FRS2: variants seen among roughly 807,000 people sequenced by gnomAD.
The protein encoded by FRS2 is FGFR signalling adaptor.
Under a neutral mutation model 43.9 loss-of-function variants are expected in FRS2, and 8 were observed. That is an observed-to-expected ratio of 0.18 (90% confidence interval 0.11 to 0.33). FRS2 has a LOEUF of 0.33. FRS2 is among the 10% of genes least tolerant of loss of function. The probability of loss-of-function intolerance (pLI) is 1.00; values close to 1 mark genes in which losing one functional copy is unlikely to be tolerated. For missense variants in FRS2, 534 were observed against 627.6 expected (o/e 0.85, Z 1.59); for synonymous variants, 219 against 220.3 (o/e 0.99, Z 0.05).
chr12:69,523,615 T>C (rs573948952), intron 1 of FRS2, among the ~76,000 whole-genome samples: 1 of 152,300 alleles, frequency 6.6e-6, no homozygotes, highest in South Asian at 2.1e-4. Context: ...GATCCTGTCA[T>C]CATGATGTTA....
chr12:69,489,288 A>G (rs764717855), intron 1 of FRS2, among the ~76,000 whole-genome samples: 41 of 152,266 alleles, frequency 2.7e-4, no homozygotes, highest in East Asian at 3.9e-4. Context: ...GTTGTCCCAC[A>G]TCTTAGATAC....
chr12:69,498,942 T>C (rs905397719), intron 1 of FRS2, among the ~76,000 whole-genome samples: 5 of 152,198 alleles, frequency 3.3e-5, no homozygotes, highest in Admixed American at 2.6e-4. Context: ...ATAACAACTT[T>C]ATGAGGTATT....
intron 1 of FRS2, among the ~76,000 whole-genome samples, chr12:69,484,171 G>A (rs779461919): frequency 1.1e-4 from 16 of 151,162 alleles, no homozygotes; most frequent in Non-Finnish European, 1.2e-4. Flanking sequence ...TGCAACCTCC[G>A]CCTCCCGGGT....
chr12:69,495,068 G>A (rs1872760419), intron 1 of FRS2, among the ~76,000 whole-genome samples: 1 of 152,150 alleles, frequency 6.6e-6, no homozygotes, highest in African/African-American at 2.4e-5. Context: ...ACCTCGCCTG[G>A]CCGCTTCTAG....
chr12:69,567,496 G>A (rs1420669982), intron 4 of FRS2, among the ~76,000 whole-genome samples: 1 of 152,132 alleles, frequency 6.6e-6, no homozygotes, highest in African/African-American at 2.4e-5. Context: ...AAATGAGTAA[G>A]GTTCATCCTT....
At chr12:69,484,485 A>G (rs1398577884) in intron 1 of FRS2, among the ~76,000 whole-genome samples, 1 of 152,166 alleles carries the variant, frequency 6.6e-6, no homozygotes, top group African/African-American at 2.4e-5. Context: ...CTACAAAATG[A>G]TTGCCAGTTT....
chr12:69,562,870 G>A (rs1879984221), intron 4 of FRS2, among the ~76,000 whole-genome samples: 1 of 151,394 alleles, frequency 6.6e-6, no homozygotes, highest in Non-Finnish European at 1.5e-5. Flanking sequence ...TCTATTTTTT[G>A]TGGAGACAGA....
chr12:69,541,945 A>T (rs982830274), intron 3 of FRS2, among the ~76,000 whole-genome samples: 8 of 151,982 alleles, frequency 5.3e-5, no homozygotes, highest in Admixed American at 4.6e-4. Flanking sequence ...ATTCTAACAA[A>T]TTTTTTATAA....
At chr12:69,561,108 A>T (rs1443967266) in intron 3 of FRS2, among the ~76,000 whole-genome samples, 1 of 152,198 alleles carries the variant, frequency 6.6e-6, no homozygotes, top group East Asian at 1.9e-4. Context: ...GGTTTATGGT[A>T]GAATTAGTTC....
chr12:69,569,893 C>CT (rs1211116238), intron 5 of FRS2, among the ~76,000 whole-genome samples: 14 of 152,258 alleles, frequency 9.2e-5, no homozygotes, highest in African/African-American at 3.1e-4. Flanking sequence ...TTGAAAGGTA[C>CT]TTTTTTTGTT....
chr12:69,548,798 GAGA>G (rs1163296948), intron 3 of FRS2, among the ~76,000 whole-genome samples: 20 of 152,316 alleles, frequency 1.3e-4, no homozygotes, highest in East Asian at 3.9e-4. Flanking sequence ...AGGGGACAGA[GAGA>G]AGAAGTGGTT....
Position 69,579,433 on chromosome 12 carries a change from A to G in FRS2, c.*4478A>G, listed in dbSNP as rs1881411192. On this transcript the variant is annotated 3_prime_UTR_variant, in exon 9 of 9. Transcript: ENST00000549921. The stretch of plus-strand genomic sequence containing the variant: ...CAATCAAACGTTTATTAACTGGAGT[A>G]CTTAGAATAAGCTAGTAATTGAATT... The G allele has an allele frequency of 6.6e-6, 1 of 152,632 alleles. No individual in the cohort carries two copies. The highest frequency in any genetic ancestry group is 1.5e-5 in the Non-Finnish European group (1 of 68,044). The allele number at this position is 152,632 out of a possible 1,614,324, so 9.5% of individuals were successfully genotyped here.
At chr12:69,490,200 A>C (rs1299682143) in intron 1 of FRS2, among the ~76,000 whole-genome samples, 1 of 152,182 alleles carries the variant, frequency 6.6e-6, no homozygotes, top group Non-Finnish European at 1.5e-5. Flanking sequence ...GAGAAAGAAG[A>C]GGGGACCTGA....
chr12:69,507,091 A>G (rs927919663), intron 1 of FRS2, among the ~76,000 whole-genome samples: 2 of 152,210 alleles, frequency 1.3e-5, no homozygotes, highest in African/African-American at 2.4e-5. Flanking sequence ...CCCTGCTTCC[A>G]TAACTGTAAG....
intron 6 of FRS2, 35 bp from the exon 7 acceptor site, chr12:69,571,241 G>C: frequency 6.8e-7 from 1 of 1,470,354 alleles, no homozygotes; most frequent in South Asian, 1.2e-5. Context: ...TTAAAGGTAT[G>C]TTAACTATTT....
At chr12:69,503,289 C>G (rs939269580) in intron 1 of FRS2, among the ~76,000 whole-genome samples, 3 of 152,186 alleles carry the variant, frequency 2.0e-5, no homozygotes, top group African/African-American at 7.2e-5. Flanking sequence ...TGTCTAATCT[C>G]TCACCGACCA....
chr12:69,503,618 G>A (rs866433855), intron 1 of FRS2, among the ~76,000 whole-genome samples: 7 of 152,142 alleles, frequency 4.6e-5, no homozygotes, highest in African/African-American at 1.7e-4. Flanking sequence ...GAGACCATGA[G>A]CTTCTACGTG....
chr12:69,534,366 A>C (rs1877076991), intron 3 of FRS2, among the ~76,000 whole-genome samples: 1 of 152,230 alleles, frequency 6.6e-6, no homozygotes, highest in African/African-American at 2.4e-5. Context: ...TTAGATTAAA[A>C]AACAAAAAAA....
Position 69,570,389 on chromosome 12 carries a change from A to C in FRS2, c.125A>C (p.Asp42Ala), listed in dbSNP as rs200678354. ...GGTTCTGGCATAATGGAACTTACAG[A>C]CACAGAACTGATTTTATACACCCGC... is the stretch of plus-strand genomic sequence containing the variant. ...ELGSGIMELT[D>A]TELILYTRKR... Residue 42 changes from aspartate (D) to alanine (A), a missense_variant, in exon 6 of 9, where the codon GAC (aspartate) becomes GCC (alanine). Transcript: ENST00000549921. 1 of 1,613,786 alleles carries C rather than the reference A, an allele frequency of 6.2e-7. No individual in the cohort carries two copies.
Sources: allele counts gnomAD v4.1 joint callset (sites outside exome capture counted in the v4.1 genomes callset), GRCh38; gene constraint gnomAD v4.1.1; transcripts MANE v1.5; gene names NCBI Gene and HGNC (gene_info 2026-07-23, HGNC 2026-07-21).